Variants in NLRP13 observed in about 807,000 individuals in gnomAD.
NLRP13 encodes the protein NACHT, LRR and PYD domains-containing protein 13.
A neutral mutation model predicts 94.4 loss-of-function variants in NLRP13; 82 were observed. The observed-to-expected ratio is 0.87, with a 90% CI of 0.73 to 1.04. The LOEUF is 1.04. Among genes scored for constraint, NLRP13 ranks in the 50% least tolerant of loss-of-function variants. NLRP13 has a pLI of 0.00. For synonymous variants in NLRP13, 553 were observed against 464.7 expected (o/e 1.19, Z -2.45); for missense variants, 1,426 against 1,230.8 (o/e 1.16, Z -2.37).
rs988356942 is a variant in NLRP13, at chr19:55,915,636, A to T, written c.524-2343T>A. On this transcript the variant is annotated intron_variant, in intron 4 of 10. Coordinates refer to ENST00000342929, the MANE Select transcript of NLRP13 (RefSeq NM_176810.2). Reference sequence around the variant, plus strand: ...ACAAATAGATAATCACAATTCAAACAGAGTATCAGGAGAGAATATTCGAGC... The same window carrying T: ...ACAAATAGATAATCACAATTCAAACTGAGTATCAGGAGAGAATATTCGAGC... 2.6e-5 allele frequency among the ~76,000 whole-genome samples: 4 copies of T among 152,212 alleles called. No individual in the cohort carries two copies. In the South Asian group the frequency reaches 8.3e-4, roughly 32 times the overall value.
intron 8 of NLRP13, among the ~76,000 whole-genome samples, chr19:55,903,939 C>T (rs1365097909): frequency 1.3e-5 from 2 of 152,172 alleles, no homozygotes; most frequent in African/African-American, 4.8e-5. Context: ...AAGGTAACAT[C>T]CCACTTCCAA....
At position 55,912,379 on chromosome 19, in the gene NLRP13, A is replaced by G. The variant is rs775459587; in HGVS notation, c.1438T>C (p.Trp480Arg). The G allele has an allele frequency of 8.1e-6, 13 of 1,613,984 alleles. No individual in the cohort carries two copies. The highest frequency in any genetic ancestry group is 1.7e-6 in the Non-Finnish European group (2 of 1,180,002). The change falls in exon 5 of 11, where the codon TGG becomes CGG. Residue 480 changes from tryptophan (W) to arginine (R), a missense_variant. By Grantham distance (101) the Trp-to-Arg change is moderately radical (BLOSUM62 -3). Coordinates refer to ENST00000342929, the MANE Select transcript of NLRP13 (RefSeq NM_176810.2). ...DLADDSWPGQ[W>R]RALCSLAIEG... The stretch of plus-strand genomic sequence containing the variant: ...ATGGCCAGACTGCAGAGGGCCCTCC[A>G]TTGTCCTGGCCAGCTGTCATCTGCC...
At position 55,925,030 on chromosome 19, in the gene NLRP13, C is replaced by T. The variant is rs749072842; in HGVS notation, c.325G>A (p.Val109Met). The T allele has an allele frequency of 3.1e-6, 5 of 1,613,860 alleles. No individual in the cohort carries two copies. The highest frequency in any genetic ancestry group is 8.5e-7 in the Non-Finnish European group (1 of 1,179,810). ...GGATCTTGCAGCTCTTGGGTCTGCA[C>T]ATTCTCTGAAACAAACAGTGATGAT... ...EKVRAEMKENVQTQELQDPTQ... is the reference protein window; with the variant it reads ...EKVRAEMKENMQTQELQDPTQ... Residue 109 changes from valine (V) to methionine (M), a missense_variant, in exon 2 of 11, where the codon GTG becomes ATG. Val to Met is a conservative substitution (Grantham distance 21). Transcript: ENST00000342929.
At chr19:55,900,588 G>A (rs1293740239) in intron 9 of NLRP13, among the ~76,000 whole-genome samples, 2 of 146,674 alleles carry the variant, frequency 1.4e-5, no homozygotes, top group Non-Finnish European at 3.0e-5. Flanking sequence ...TGGCTAACAT[G>A]GTGAAACCCC....
intron 4 of NLRP13, among the ~76,000 whole-genome samples, chr19:55,917,301 A>T (rs1005260179): frequency 6.6e-6 from 1 of 152,156 alleles, no homozygotes; most frequent in African/African-American, 2.4e-5. Context: ...TTATAAAGCA[A>T]TTACACAAAG....
At chr19:55,905,202 A>T (rs150042249) in intron 7 of NLRP13, 90 bp from the exon 8 acceptor site, 21 of 1,340,964 alleles carry the variant, frequency 1.6e-5, no homozygotes, top group Non-Finnish European at 1.9e-5. Context: ...CCCGAGACCC[A>T]AACATTATGG....
At chr19:55,920,482 TGGAGAAA>T (rs1191242736) in intron 4 of NLRP13, among the ~76,000 whole-genome samples, 1 of 151,040 alleles carries the variant, frequency 6.6e-6, no homozygotes, top group Non-Finnish European at 1.5e-5. Context: ...CATTAGAAAA[TGGAGAAA>T]GGACATAAGC....
intron 4 of NLRP13, among the ~76,000 whole-genome samples, chr19:55,914,883 A>G (rs930262419): frequency 1.3e-5 from 2 of 152,234 alleles, no homozygotes; most frequent in Middle Eastern, 3.2e-3. Context: ...TGCAATGAAC[A>G]TGGGAGTGAA....
chr19:55,931,724 A>AGACAGAAAGAAAGAC (rs1568449426), intron 1 of NLRP13, among the ~76,000 whole-genome samples: 6 of 137,024 alleles, frequency 4.4e-5, no homozygotes, highest in Admixed American at 7.9e-5. Context: ...AAAAAAAAAA[A>AGACAGAAAGAAAGAC]AGAAAGAAAG....
chr19:55,922,253 G>A (rs573143693), intron 4 of NLRP13, among the ~76,000 whole-genome samples: 142 of 152,198 alleles, frequency 9.3e-4, no homozygotes, highest in African/African-American at 3.1e-3. Context: ...ATGAGATTTC[G>A]GTGGAGACAC....
intron 7 of NLRP13, 78 bp downstream of exon 7, chr19:55,907,714 C>A: frequency 7.2e-7 from 1 of 1,384,020 alleles, no homozygotes; most frequent in Non-Finnish European, 1.0e-6. Flanking sequence ...TGAGTGCTGT[C>A]AGCCCTCCCA....
At position 55,902,147 on chromosome 19, in the gene NLRP13, G is replaced by C; in HGVS notation, c.2677C>G (p.Gln893Glu). Residue 893 changes from glutamine (Q) to glutamate (E), a missense_variant, in exon 9 of 11, where the codon CAG becomes GAG. By Grantham distance (29) the Gln-to-Glu change is conservative (BLOSUM62 2). Coordinates refer to ENST00000342929, the MANE Select transcript of NLRP13 (RefSeq NM_176810.2). ...ACKHLSDALL[Q>E]NRSLTHLNLS... ...TTCAGGTGTGTCAGGCTCCTGTTCT[G>C]CAGGAGAGCATCTGACAAGTGCTTG... The C allele has an allele frequency of 6.2e-7, 1 of 1,614,030 alleles. No homozygotes were observed. Among genetic ancestry groups the C allele is most frequent in the South Asian group, 1.1e-5 (1 of 91,072 alleles).
rs1256665045 is a variant in NLRP13 at position 55,902,094 on chromosome 19, C to CTG, written c.2729_2730insCA (p.Glu910AspfsTer21). The CTG allele has an allele frequency of 1.9e-6, 3 of 1,614,044 alleles. No individual in the cohort carries two copies. The African/African-American group carries it at 4.0e-5, about 22-fold the overall frequency. On this transcript the variant is annotated frameshift_variant, in exon 9 of 11. Coordinates refer to ENST00000342929, the MANE Select transcript of NLRP13 (RefSeq NM_176810.2). LOFTEE classifies it high-confidence loss of function. ...AGGCCTCACACAGGAACTTGACTCC[C>CTG]TCGTCTCTCAGGCTGTTCTTGCTCA...
chr19:55,924,696 C>T (rs750067413), intron 2 of NLRP13, 38 bp from the exon 3 acceptor site: 1 of 1,574,288 alleles, frequency 6.4e-7, no homozygotes, highest in African/African-American at 1.3e-5. Context: ...GAAAATACCC[C>T]AGAGTGAAAA....
Position 55,922,219 on chromosome 19 carries a change from G to A in NLRP13, c.523+1695C>T, listed in dbSNP as rs561842440. Among the ~76,000 whole-genome samples the A allele has an allele frequency of 1.1e-4, 16 of 152,132 alleles. 1 individual carries two copies. In the South Asian group the frequency reaches 3.3e-3, roughly 32 times the overall value. ...ACCAGGTCCCTCCCATGACACATGG[G>A]AATTATGGGAGCTACAATTCAAGAT... On this transcript the variant is annotated intron_variant, in intron 4 of 10. Coordinates refer to ENST00000342929, the MANE Select transcript of NLRP13 (RefSeq NM_176810.2).
downstream of NLRP13, among the ~76,000 whole-genome samples, chr19:55,894,883 A>G (rs911281417): frequency 6.6e-6 from 1 of 152,132 alleles, no homozygotes; most frequent in Non-Finnish European, 1.5e-5. Flanking sequence ...AAAATACCCA[A>G]AAGTCTCCAG....
At chr19:55,928,474 C>T (rs1987023589) in intron 1 of NLRP13, among the ~76,000 whole-genome samples, 1 of 152,184 alleles carries the variant, frequency 6.6e-6, no homozygotes, top group South Asian at 2.1e-4. Flanking sequence ...GATGGACACA[C>T]TCCATTTACC....
At chr19:55,900,150 T>C (rs535263273) in intron 9 of NLRP13, among the ~76,000 whole-genome samples, 2 of 152,112 alleles carry the variant, frequency 1.3e-5, no homozygotes, top group South Asian at 4.1e-4. Context: ...CCAAAACATA[T>C]ACAGATGGTA....
At chr19:55,898,212 G>GTT (rs996847207) in intron 10 of NLRP13, among the ~76,000 whole-genome samples, 3 of 28,098 alleles carry the variant, frequency 1.1e-4, no homozygotes, top group African/African-American at 3.0e-4. Flanking sequence ...TTTTGTTTTT[G>GTT]TTTTTTTTTT....
Sources: allele counts gnomAD v4.1 joint callset (sites outside exome capture counted in the v4.1 genomes callset), GRCh38; gene constraint gnomAD v4.1.1; transcripts MANE v1.5; gene names NCBI Gene and HGNC (gene_info 2026-07-23, HGNC 2026-07-21).